Variants in KAT2B observed in about 807,000 individuals in gnomAD.
KAT2B encodes the protein lysine acetyltransferase 2B.
Under a neutral mutation model 105.9 loss-of-function variants are expected in KAT2B, and 36 were observed. The observed-to-expected ratio is 0.34, with a 90% CI of 0.26 to 0.45. The LOEUF is 0.45. Among genes scored for constraint, KAT2B ranks in the 20% least tolerant of loss-of-function variants. The pLI is 1.00. For synonymous variants in KAT2B, 397 were observed against 377.9 expected, an observed-to-expected ratio of 1.05 and a Z score of -0.59; for missense variants, 820 against 1,021.6, an observed-to-expected ratio of 0.80 and a Z score of 2.69.
intron 13 of KAT2B, among the ~76,000 whole-genome samples, chr3:20,145,539 G>A (rs1699768687): frequency 7.1e-6 from 1 of 141,430 alleles, no homozygotes; most frequent in African/African-American, 2.6e-5. Flanking sequence ...TTAATTTCCG[G>A]ATGGGATTTT....
chr3:20,060,335 C>T (rs1248428613), intron 1 of KAT2B, among the ~76,000 whole-genome samples: 1 of 152,110 alleles, frequency 6.6e-6, no homozygotes, highest in Non-Finnish European at 1.5e-5. Flanking sequence ...GGCATGGTGG[C>T]TCACGCCTGT....
At chr3:20,062,497 T>C (rs1698155453) in intron 1 of KAT2B, among the ~76,000 whole-genome samples, 1 of 145,164 alleles carries the variant, frequency 6.9e-6, no homozygotes, top group African/African-American at 2.6e-5. Context: ...AGTTTTGCTC[T>C]GTCACCCAGG....
At chr3:20,095,237 A>G (rs757338504) in intron 2 of KAT2B, 26 bp from the exon 3 acceptor site, 75 of 1,598,302 alleles carry the variant, frequency 4.7e-5, no homozygotes, top group Non-Finnish European at 6.2e-5. Context: ...GAGGTCTTAC[A>G]TATGTTTCTT....
intron 1 of KAT2B, among the ~76,000 whole-genome samples, chr3:20,056,912 C>T (rs1398561241): frequency 6.6e-6 from 1 of 152,166 alleles, no homozygotes; most frequent in Non-Finnish European, 1.5e-5. Flanking sequence ...GGGAACATAA[C>T]ATGATTTGGA....
intron 3 of KAT2B, among the ~76,000 whole-genome samples, chr3:20,096,232 A>G (rs769749403): frequency 6.6e-6 from 1 of 152,150 alleles, no homozygotes; most frequent in Non-Finnish European, 1.5e-5. Flanking sequence ...CCTGTTTCTC[A>G]CTGACACCAG....
At chr3:20,124,611 T>C (rs528284350) in intron 9 of KAT2B, among the ~76,000 whole-genome samples, 2 of 152,300 alleles carry the variant, frequency 1.3e-5, no homozygotes, top group East Asian at 3.9e-4. Context: ...GCATGAGATT[T>C]GGAGGGGTCA....
intron 1 of KAT2B, among the ~76,000 whole-genome samples, chr3:20,057,072 T>G (rs1429022437): frequency 6.6e-6 from 1 of 152,158 alleles, no homozygotes; most frequent in Non-Finnish European, 1.5e-5. Flanking sequence ...AGTTGGCTGA[T>G]AAGGGCCTGA....
chr3:20,068,531 A>G (rs2929393), intron 1 of KAT2B, among the ~76,000 whole-genome samples: 93,794 of 151,396 alleles, frequency 0.62, 31,874 homozygotes, highest in East Asian at 0.91. Context: ...CCCTGTACTC[A>G]TCCTTTTTTC....
intron 6 of KAT2B, among the ~76,000 whole-genome samples, chr3:20,113,542 A>G (rs1036625437): frequency 1.3e-5 from 2 of 152,090 alleles, no homozygotes; most frequent in Non-Finnish European, 2.9e-5. Flanking sequence ...TTTCTTCTCT[A>G]TTACTAATGG....
intron 1 of KAT2B, among the ~76,000 whole-genome samples, chr3:20,048,911 G>A (rs888635646): frequency 1.3e-5 from 2 of 151,844 alleles, no homozygotes; most frequent in South Asian, 2.1e-4. Flanking sequence ...TTGCTCTGTC[G>A]CCAGGCTGGA....
intron 1 of KAT2B, among the ~76,000 whole-genome samples, chr3:20,072,041 A>G (rs1698332048): frequency 6.6e-6 from 1 of 152,076 alleles, no homozygotes; most frequent in South Asian, 2.1e-4. Context: ...CTTGGAACTC[A>G]CCACTTCATG....
intron 2 of KAT2B, among the ~76,000 whole-genome samples, chr3:20,093,010 A>G (rs1452430265): frequency 6.6e-6 from 1 of 152,116 alleles, no homozygotes. Context: ...AGTTTTTCAC[A>G]TAAAGTCCAT....
At chr3:20,045,682 A>G (rs922219526) in intron 1 of KAT2B, among the ~76,000 whole-genome samples, 8 of 152,200 alleles carry the variant, frequency 5.3e-5, no homozygotes, top group African/African-American at 1.9e-4. Context: ...AATACGTAAG[A>G]GGAGGCAATA....
chr3:20,094,598 AG>A (rs1238348345), intron 2 of KAT2B, among the ~76,000 whole-genome samples: 3 of 152,222 alleles, frequency 2.0e-5, no homozygotes, highest in African/African-American at 7.2e-5. Flanking sequence ...GTCAATGGAC[AG>A]GTCACAAAAC....
intron 11 of KAT2B, among the ~76,000 whole-genome samples, chr3:20,131,652 C>T (rs557962613): frequency 3.9e-5 from 6 of 152,208 alleles, no homozygotes; most frequent in African/African-American, 9.6e-5. Context: ...CCTGCGTCTG[C>T]GACCTCCTGT....
At chr3:20,040,812 G>C (rs368442132) in intron 1 of KAT2B, 32 bp downstream of exon 1, 40 of 1,554,924 alleles carry the variant, frequency 2.6e-5, no homozygotes, top group Non-Finnish European at 3.5e-6. Flanking sequence ...ACCGCGGATG[G>C]GTGCTAGGGG....
intron 11 of KAT2B, among the ~76,000 whole-genome samples, chr3:20,133,008 C>T (rs1056239397): frequency 1.3e-5 from 2 of 152,220 alleles, no homozygotes; most frequent in Non-Finnish European, 2.9e-5. Context: ...ACTGGCCAAC[C>T]ATTTGCTTTC....
chr3:20,083,835 A>C (rs1046254809), intron 2 of KAT2B, among the ~76,000 whole-genome samples: 29 of 152,188 alleles, frequency 1.9e-4, no homozygotes, highest in Non-Finnish European at 1.6e-4. Flanking sequence ...AAACAGGGCC[A>C]GCAAGAGGTA....
At chr3:20,151,746 T>G (rs1699872665) in intron 17 of KAT2B, among the ~76,000 whole-genome samples, 1 of 152,168 alleles carries the variant, frequency 6.6e-6, no homozygotes, top group Non-Finnish European at 1.5e-5. Context: ...CTTTAGAAAA[T>G]AGATTATTAA....
Sources: gnomAD v4.1 joint callset for allele counts (sites outside exome capture counted in the v4.1 genomes callset) on GRCh38, gnomAD v4.1.1 for gene constraint, MANE v1.5 for transcripts, NCBI Gene and HGNC (gene_info 2026-07-23, HGNC 2026-07-21) for gene names.